Variants in PLPP1 observed in about 807,000 individuals in gnomAD.
PLPP1 encodes lipid phosphate phosphohydrolase 1a.
A neutral mutation model predicts 31.2 loss-of-function variants in PLPP1; 24 were observed. The observed-to-expected ratio is 0.77, with a 90% CI of 0.56 to 1.08. PLPP1 has a LOEUF of 1.08. PLPP1 is among the 50% of genes least tolerant of loss of function. The pLI is 0.00. For missense variants in PLPP1, 319 were observed against 342.7 expected (o/e 0.93, Z 0.55); for synonymous variants, 146 against 126.3 (o/e 1.16, Z -1.05).
At chr5:55,511,028 T>C (rs1579976300) in intron 1 of PLPP1, among the ~76,000 whole-genome samples, 2 of 152,338 alleles carry the variant, frequency 1.3e-5, no homozygotes, top group South Asian at 2.1e-4. Flanking sequence ...ACCTTATACA[T>C]ATATAAACCT....
At chr5:55,518,208 T>G (rs898309319) in intron 1 of PLPP1, among the ~76,000 whole-genome samples, 2 of 152,088 alleles carry the variant, frequency 1.3e-5, no homozygotes, top group African/African-American at 4.8e-5. Flanking sequence ...ATCTAGAAAT[T>G]TCCCAAATCT....
chr5:55,427,095 A>AG (rs1751219677), intron 4 of PLPP1, among the ~76,000 whole-genome samples: 10 of 150,692 alleles, frequency 6.6e-5, no homozygotes, highest in Non-Finnish European at 1.2e-4. Context: ...ATTAAAAAAA[A>AG]AAAAAAAAAG....
intron 4 of PLPP1, among the ~76,000 whole-genome samples, chr5:55,437,564 A>G (rs1217841438): frequency 2.0e-5 from 3 of 152,120 alleles, no homozygotes; most frequent in African/African-American, 7.2e-5. Context: ...TAGACTAACA[A>G]CAGCAGGCTC....
At chr5:55,530,936 ACAGCGG>A (rs1740643592) in intron 1 of PLPP1, among the ~76,000 whole-genome samples, 1 of 151,574 alleles carries the variant, frequency 6.6e-6, no homozygotes, top group African/African-American at 2.4e-5. Flanking sequence ...TGACATGGTG[ACAGCGG>A]CAGCGGCCGA....
intron 2 of PLPP1, among the ~76,000 whole-genome samples, chr5:55,474,082 T>A (rs1300763686): frequency 6.6e-6 from 1 of 151,044 alleles, no homozygotes; most frequent in Non-Finnish European, 1.5e-5. Flanking sequence ...CTGCAACCTC[T>A]GCCTCCTAGG....
At chr5:55,435,400 C>A (rs1287588591) in intron 4 of PLPP1, among the ~76,000 whole-genome samples, 1 of 57,126 alleles carries the variant, frequency 1.8e-5, no homozygotes, top group Non-Finnish European at 4.3e-5. Flanking sequence ...GGTATTAATA[C>A]AAGAGATCAC....
intron 1 of PLPP1, among the ~76,000 whole-genome samples, chr5:55,479,008 G>A (rs7707103): frequency 0.87 from 131,406 of 151,058 alleles, 57,419 homozygotes; most frequent in South Asian, 0.92. Flanking sequence ...GCCATTCCTC[G>A]TATAAGCCTA....
intron 1 of PLPP1, among the ~76,000 whole-genome samples, chr5:55,516,362 T>G (rs1024095754): frequency 1.3e-5 from 2 of 152,186 alleles, no homozygotes; most frequent in Non-Finnish European, 2.9e-5. Flanking sequence ...TTTTAAAAGC[T>G]ACCTCATCCT....
chr5:55,528,262 T>C (rs575408240), intron 1 of PLPP1, among the ~76,000 whole-genome samples: 1 of 152,248 alleles, frequency 6.6e-6, no homozygotes, highest in African/African-American at 2.4e-5. Flanking sequence ...AGGTAACTTC[T>C]GACCTTTCTG....
chr5:55,444,219 T>TC (rs11374795), intron 3 of PLPP1, among the ~76,000 whole-genome samples: 130,613 of 151,924 alleles, frequency 0.86, 56,540 homozygotes, highest in South Asian at 0.92. Flanking sequence ...ATAGCAGGGA[T>TC]TACAGGCTTG....
At chr5:55,511,466 A>G (rs1753405957) in intron 1 of PLPP1, among the ~76,000 whole-genome samples, 2 of 152,228 alleles carry the variant, frequency 1.3e-5, no homozygotes, top group South Asian at 4.1e-4. Flanking sequence ...TAATATCACA[A>G]GTTTTTTTTT....
intron 1 of PLPP1, among the ~76,000 whole-genome samples, chr5:55,503,651 G>A (rs1230027008): frequency 1.3e-5 from 2 of 151,022 alleles, no homozygotes; most frequent in African/African-American, 4.9e-5. Context: ...ATGGTAGCAT[G>A]TGCACCTGTA....
At chr5:55,430,874 A>G (rs1418753654) in intron 4 of PLPP1, among the ~76,000 whole-genome samples, 5 of 152,200 alleles carry the variant, frequency 3.3e-5, no homozygotes, top group African/African-American at 1.2e-4. Context: ...TAGGATATGA[A>G]TGAGAAAATT....
chr5:55,436,763 T>G (rs1016720710), intron 4 of PLPP1, among the ~76,000 whole-genome samples: 10 of 152,168 alleles, frequency 6.6e-5, no homozygotes, highest in African/African-American at 2.4e-4. Context: ...TAAAAGAAAC[T>G]AGAAAATTCA....
intron 1 of PLPP1, among the ~76,000 whole-genome samples, chr5:55,532,973 A>G (rs1740729350): frequency 7.0e-6 from 1 of 142,852 alleles, no homozygotes; most frequent in African/African-American, 2.6e-5. Context: ...AAAAAAAAAG[A>G]CAATGTGCCA....
chr5:55,530,767 C>G, intron 1 of PLPP1: 1 of 1,556,924 alleles, frequency 6.4e-7, no homozygotes, highest in South Asian at 1.1e-5. Flanking sequence ...AGTCAGGAAA[C>G]ATTTTCTACA....
rs115534131 is a variant in PLPP1, at chr5:55,472,618, A to G, written c.210+2681T>C. 6.3e-3 allele frequency among the ~76,000 whole-genome samples: 952 copies of G among 151,622 alleles called. 15 individuals are homozygous for G. The highest frequency in any genetic ancestry group is 0.021 in the African/African-American group (847 of 41,294). On this transcript the variant is annotated intron_variant, in intron 2 of 5. Coordinates refer to ENST00000307259, the MANE Select transcript of PLPP1 (RefSeq NM_003711.4). ...GTGAAAGAAGAAAGAAAGAAAAGAA[A>G]CAAAGGAAAGAAAGAGACAGAGAGA...
chr5:55,468,070 G>C lies in PLPP1; in HGVS notation c.290C>G (p.Thr97Ser). The C allele has an allele frequency of 6.2e-7, 1 of 1,614,088 alleles. No homozygotes were observed. ...NSFIRNNYIA[T>S]IYKAIGTFLF... ...AAAGGTTCCAATGGCTTTGTAAATA[G>C]TGGCTATGTAGTTATTCCTGATAAA... The change falls in exon 3 of 6, where the codon ACT (threonine) becomes AGT (serine). Residue 97 changes from threonine to serine, a missense_variant. Thr to Ser is a moderately conservative substitution (Grantham distance 58). Coordinates refer to ENST00000307259, the MANE Select transcript of PLPP1 (RefSeq NM_003711.4).
At chr5:55,521,508 C>A (rs967904349) in intron 1 of PLPP1, among the ~76,000 whole-genome samples, 2 of 151,932 alleles carry the variant, frequency 1.3e-5, no homozygotes, top group East Asian at 3.9e-4. Flanking sequence ...CAGAGCGAGA[C>A]TCTGTCTCAA....
Sources: gnomAD v4.1 joint callset for allele counts (sites outside exome capture counted in the v4.1 genomes callset) on GRCh38, gnomAD v4.1.1 for gene constraint, MANE v1.5 for transcripts, NCBI Gene and HGNC (gene_info 2026-07-23, HGNC 2026-07-21) for gene names.